SDC2: variants seen among roughly 807,000 people sequenced by gnomAD.
SDC2 encodes syndecan-2.
SDC2 carries 13 observed loss-of-function variants against 22.2 expected under a neutral mutation model. The observed-to-expected ratio is 0.59, with a 90% CI of 0.38 to 0.93. The LOEUF is 0.93. SDC2 is among the 40% of genes least tolerant of loss of function. SDC2 has a pLI of 0.00. For synonymous variants in SDC2, 94 were observed against 92.8 expected, an observed-to-expected ratio of 1.01 and a Z score of -0.07; for missense variants, 235 against 246.8, an observed-to-expected ratio of 0.95 and a Z score of 0.32.
intron 1 of SDC2, among the ~76,000 whole-genome samples, chr8:96,583,782 T>A (rs1814636463): frequency 1.3e-5 from 2 of 152,022 alleles, no homozygotes; most frequent in African/African-American, 2.4e-5. Context: ...GTATGCTTTT[T>A]AAATTTAATA....
intron 1 of SDC2, among the ~76,000 whole-genome samples, chr8:96,560,953 A>G (rs1327052314): frequency 6.6e-6 from 1 of 152,124 alleles, no homozygotes; most frequent in Non-Finnish European, 1.5e-5. Context: ...TAAAAATACA[A>G]AAATTAGCTG....
chr8:96,539,455 A>C (rs1813810134), intron 1 of SDC2, among the ~76,000 whole-genome samples: 1 of 152,236 alleles, frequency 6.6e-6, no homozygotes, highest in South Asian at 2.1e-4. Flanking sequence ...TTCTGGTTGA[A>C]TTTATATTTT....
At position 96,559,995 on chromosome 8, in the gene SDC2, A is replaced by G. The variant is rs149238398; in HGVS notation, c.61-33485A>G. Among the ~76,000 whole-genome samples, 280 of 152,340 alleles carry G rather than the reference A, an allele frequency of 1.8e-3. 1 individual carries two copies. Among genetic ancestry groups the G allele is most frequent in the African/African-American group, 6.4e-3 (266 of 41,586 alleles). ...TTTTAATAGCTGTAAAATGTAATTT[A>G]CATACCATTCATCCATTTAAAAAGT... On this transcript the variant is annotated intron_variant, in intron 1 of 4. Transcript: ENST00000302190.
intron 1 of SDC2, among the ~76,000 whole-genome samples, chr8:96,534,688 C>T (rs927787310): frequency 4.6e-5 from 7 of 151,978 alleles, no homozygotes; most frequent in South Asian, 2.1e-4. Context: ...CTTCCTACCT[C>T]GGCCTCCAAG....
At chr8:96,552,698 A>G (rs1432728574) in intron 1 of SDC2, among the ~76,000 whole-genome samples, 2 of 152,178 alleles carry the variant, frequency 1.3e-5, no homozygotes, top group Non-Finnish European at 2.9e-5. Context: ...GCATGTAATT[A>G]AGGTCATTTT....
At chr8:96,609,082 TGTGA>T (rs896912734) in intron 4 of SDC2, among the ~76,000 whole-genome samples, 1 of 152,184 alleles carries the variant, frequency 6.6e-6, no homozygotes, top group African/African-American at 2.4e-5. Flanking sequence ...GAATATGAAA[TGTGA>T]GTTCTGAAAA....
chr8:96,606,994 G>A (rs1054636498), intron 3 of SDC2, among the ~76,000 whole-genome samples: 5 of 152,124 alleles, frequency 3.3e-5, no homozygotes, highest in African/African-American at 7.2e-5. Context: ...CCTGAGCTCC[G>A]CCTCCTGTCA....
chr8:96,586,968 G>C (rs1460733213), intron 1 of SDC2, among the ~76,000 whole-genome samples: 1 of 152,094 alleles, frequency 6.6e-6, no homozygotes, highest in Non-Finnish European at 1.5e-5. Context: ...TGTCACCTAG[G>C]CTGGAGTGCT....
chr8:96,560,865 G>C (rs1018652656), intron 1 of SDC2, among the ~76,000 whole-genome samples: 15 of 152,186 alleles, frequency 9.9e-5, no homozygotes, highest in African/African-American at 3.6e-4. Context: ...CAACACTTTG[G>C]GAGGCTGAGG....
chr8:96,608,974 A>G (rs763677583), intron 4 of SDC2, among the ~76,000 whole-genome samples: 52 of 152,244 alleles, frequency 3.4e-4, no homozygotes, highest in Non-Finnish European at 5.9e-4. Context: ...AAATCCAAGA[A>G]TAGAAATAAA....
intron 1 of SDC2, among the ~76,000 whole-genome samples, chr8:96,558,207 A>G (rs1814151529): frequency 6.6e-6 from 1 of 151,824 alleles, no homozygotes; most frequent in African/African-American, 2.4e-5. Flanking sequence ...ATAGGGTGAG[A>G]GGAAAGGAGC....
intron 1 of SDC2, among the ~76,000 whole-genome samples, chr8:96,529,424 A>G (rs1813626517): frequency 6.6e-6 from 1 of 152,238 alleles, no homozygotes; most frequent in African/African-American, 2.4e-5. Flanking sequence ...AAATAAGAAA[A>G]GTTATTTAAA....
chr8:96,555,423 A>G (rs997555520), intron 1 of SDC2, among the ~76,000 whole-genome samples: 4 of 152,168 alleles, frequency 2.6e-5, no homozygotes, highest in Non-Finnish European at 5.9e-5. Flanking sequence ...AGTGAGAGGC[A>G]GAATGTGAAG....
At chr8:96,520,969 C>T (rs1157729934) in intron 1 of SDC2, among the ~76,000 whole-genome samples, 2 of 152,156 alleles carry the variant, frequency 1.3e-5, no homozygotes, top group Non-Finnish European at 2.9e-5. Context: ...AGGAAGGAAA[C>T]GGATTGTAGA....
chr8:96,579,777 C>T (rs931946553), intron 1 of SDC2, among the ~76,000 whole-genome samples: 2 of 152,146 alleles, frequency 1.3e-5, no homozygotes, highest in African/African-American at 4.8e-5. Flanking sequence ...AACATGTTGT[C>T]TCTTACATGA....
chr8:96,578,224 C>A (rs1445674232), intron 1 of SDC2, among the ~76,000 whole-genome samples: 1 of 152,148 alleles, frequency 6.6e-6, no homozygotes, highest in African/African-American at 2.4e-5. Flanking sequence ...TCCAGGCTTC[C>A]AACAGCAGTT....
In SDC2 at chr8:96,562,692, G is replaced by A. The variant is rs1229457191; in HGVS notation, c.61-30788G>A. On this transcript the variant is annotated intron_variant, in intron 1 of 4. Coordinates refer to ENST00000302190, the MANE Select transcript of SDC2 (RefSeq NM_002998.4). ...GAATTCCGTCGACACAATTAGAATTGGTAATCCTTACCTTCAAATCTTCAT... is the reference window on the plus strand; with the variant it reads ...GAATTCCGTCGACACAATTAGAATTAGTAATCCTTACCTTCAAATCTTCAT... 2.0e-5 allele frequency among the ~76,000 whole-genome samples: 3 copies of A among 152,114 alleles called. No homozygotes were observed. In the South Asian group the frequency reaches 6.2e-4, roughly 32 times the overall value.
At chr8:96,569,815 C>T (rs895772520) in intron 1 of SDC2, among the ~76,000 whole-genome samples, 4 of 152,166 alleles carry the variant, frequency 2.6e-5, no homozygotes, top group African/African-American at 9.7e-5. Context: ...GCTTCTGGCT[C>T]CTCCTGTACT....
At chr8:96,539,794 T>C (rs115075884) in intron 1 of SDC2, among the ~76,000 whole-genome samples, 5 of 152,238 alleles carry the variant, frequency 3.3e-5, no homozygotes, top group Admixed American at 2.0e-4. Flanking sequence ...TTTATAGTCT[T>C]TGGTCATTCC....
Sources: gnomAD v4.1 joint callset for allele counts (sites outside exome capture counted in the v4.1 genomes callset) on GRCh38, gnomAD v4.1.1 for gene constraint, MANE v1.5 for transcripts, NCBI Gene and HGNC (gene_info 2026-07-23, HGNC 2026-07-21) for gene names.